The following PRPSAP2 variants were observed in gnomAD, a reference collection of about 807,000 sequenced individuals.
The protein encoded by PRPSAP2 is phosphoribosyl pyrophosphate synthetase associated protein 2.
Under a neutral mutation model 40.6 loss-of-function variants are expected in PRPSAP2, and 24 were observed. That is an observed-to-expected ratio of 0.59 (90% CI 0.43 to 0.83). PRPSAP2 has a LOEUF of 0.83. PRPSAP2 is among the 40% of genes least tolerant of loss of function. PRPSAP2 has a pLI of 0.00. For synonymous variants in PRPSAP2, 149 were observed against 164.7 expected, an observed-to-expected ratio of 0.90 and a Z score of 0.73; for missense variants, 292 against 465.6, an observed-to-expected ratio of 0.63 and a Z score of 3.43.
intron 9 of PRPSAP2, among the ~76,000 whole-genome samples, chr17:18,915,929 C>T (rs1362774156): frequency 1.3e-5 from 2 of 151,800 alleles, no homozygotes; most frequent in African/African-American, 4.8e-5. Context: ...AAGCAGTTCT[C>T]CTGCCTCAGC....
At chr17:18,908,610 T>C in intron 8 of PRPSAP2, 1 of 723,972 alleles carries the variant, frequency 1.4e-6, no homozygotes, top group Non-Finnish European at 2.6e-6. Flanking sequence ...CCAACATGGG[T>C]AGTGACCATG....
chr17:18,909,383 A>C (rs1349109894), intron 8 of PRPSAP2, among the ~76,000 whole-genome samples: 1 of 151,846 alleles, frequency 6.6e-6, no homozygotes, highest in Non-Finnish European at 1.5e-5. Context: ...CTGGGATTAC[A>C]GGTGCCTGCC....
chr17:18,875,785 C>G (rs553652914), intron 5 of PRPSAP2, among the ~76,000 whole-genome samples: 1 of 147,682 alleles, frequency 6.8e-6, no homozygotes, highest in Admixed American at 6.9e-5. Flanking sequence ...ACCCAGGAGA[C>G]AGAGGGTGCA....
At chr17:18,872,554 C>T (rs80097258) in intron 4 of PRPSAP2, 29 bp from the exon 5 acceptor site, 106,896 of 1,515,686 alleles carry the variant, frequency 0.071, 4,038 homozygotes, top group Admixed American at 0.11. Context: ...ATATGCCTTT[C>T]CCTCTCTTCT....
intron 8 of PRPSAP2, chr17:18,908,408 C>T: frequency 1.3e-6 from 1 of 761,362 alleles, no homozygotes; most frequent in South Asian, 1.4e-5. Flanking sequence ...AGATGAAGAA[C>T]TTTTAAAAAT....
At chr17:18,856,532 C>G (rs974626854), upstream of PRPSAP2, 3 of 152,174 alleles carry the variant, frequency 2.0e-5, no homozygotes, top group African/African-American at 4.8e-5. Context: ...CTCCATTTCA[C>G]GAAGTCTCAC....
chr17:18,908,465 T>C (rs967669221), intron 8 of PRPSAP2: 4 of 759,848 alleles, frequency 5.3e-6, no homozygotes, highest in Admixed American at 3.6e-5. Flanking sequence ...TCTCCCAGAA[T>C]GGAAGGAGTG....
rs929338886 is a variant in PRPSAP2 at position 18,860,407 on chromosome 17, A to G, written c.-129+2146A>G. Reference sequence around the variant, plus strand: ...AGTTCATCTTTCAATTTCATTTGTTAATCATTGTGACTCATTGAAGTCAGG... The same window carrying G: ...AGTTCATCTTTCAATTTCATTTGTTGATCATTGTGACTCATTGAAGTCAGG... On this transcript the variant is annotated intron_variant, in intron 1 of 11. Transcript: ENST00000268835. 2.0e-5 allele frequency: 3 copies of G among 152,176 alleles called. No individual in the cohort carries two copies. In the East Asian group the frequency reaches 5.8e-4, roughly 29 times the overall value. 9.4% of individuals were successfully genotyped at this position (152,176 alleles called of 1,614,324 possible).
rs114401304 is a variant in PRPSAP2, at chr17:18,878,369, C to T, written c.412+499C>T. ...AGTAGTTGGAACTATGGACATATAC[C>T]ACCGTGCCTGCCTAGATAGGCATAT... On this transcript the variant is annotated intron_variant, in intron 6 of 11. Coordinates refer to ENST00000268835, the MANE Select transcript of PRPSAP2 (RefSeq NM_002767.4). Among the ~76,000 whole-genome samples the T allele has an allele frequency of 2.0e-3, 303 of 151,926 alleles. 1 individual carries two copies. Among genetic ancestry groups the T allele is most frequent in the African/African-American group, 6.8e-3 (282 of 41,242 alleles).
chr17:18,870,665 C>T (rs1001678617), intron 4 of PRPSAP2, among the ~76,000 whole-genome samples: 4 of 151,852 alleles, frequency 2.6e-5, no homozygotes, highest in African/African-American at 7.3e-5. Flanking sequence ...AGAAATTAGC[C>T]AGGGTTGGTG....
chr17:18,930,664 C>T lies in PRPSAP2; in HGVS notation c.1076C>T (p.Ser359Phe). 6.2e-7 allele frequency: 1 copy of T among 1,613,518 alleles called. No homozygotes were observed. Among genetic ancestry groups the T allele is most frequent in the East Asian group, 2.2e-5 (1 of 44,880 alleles). ...IRRIHNGESM[S>F]YLFRNIGLDD ...CGGATCCACAATGGGGAGTCCATGT[C>T]CTACCTTTTCAGAAACATAGGCTTA... The change falls in exon 12 of 12, where the codon TCC becomes TTC. Residue 359 changes from serine (S) to phenylalanine (F), a missense_variant. Ser to Phe is a radical substitution (Grantham distance 155). Around this residue, in one of 2 missense-constraint regions of PRPSAP2, gnomAD observed 241 missense variants for 425.7 expected, o/e 0.57. Transcript: ENST00000268835.
chr17:18,893,759 C>T (rs568254562), intron 8 of PRPSAP2, among the ~76,000 whole-genome samples: 1 of 152,236 alleles, frequency 6.6e-6, no homozygotes, highest in Non-Finnish European at 1.5e-5. Context: ...CGGGGTTTCG[C>T]CATGTTGGCC....
chr17:18,857,593 G>T (rs112656776), upstream of PRPSAP2, among the ~76,000 whole-genome samples: 76,892 of 145,066 alleles, frequency 0.53, 20,431 homozygotes, highest in Middle Eastern at 0.59. Flanking sequence ...TTTTTTTTTT[G>T]TATTTTTAGT....
chr17:18,911,592 ATGT>A lies in PRPSAP2; in HGVS notation c.733+346_733+348del, dbSNP rs34675595. 0.35 allele frequency among the ~76,000 whole-genome samples: 52,768 copies of A among 151,860 alleles called. 9,334 individuals are homozygous for A. The highest frequency in any genetic ancestry group is 0.48 in the South Asian group (2,318 of 4,810). On this transcript the variant is annotated intron_variant, in intron 9 of 11. Coordinates refer to ENST00000268835, the MANE Select transcript of PRPSAP2 (RefSeq NM_002767.4). This position sits in a 1 kb window ranked among gnomAD's most constrained non-coding sequence, Gnocchi z 4.5. ...TTTATATACAAAGTTATTGACTGTG[ATGT>A]TGTTTTTAATGCAAAATATTAGAAA... is the stretch of plus-strand genomic sequence containing the variant.
At chr17:18,882,817 T>C in intron 7 of PRPSAP2, 134 bp downstream of exon 7, 1 of 613,994 alleles carries the variant, frequency 1.6e-6, no homozygotes, top group Non-Finnish European at 2.9e-6. Context: ...TTTATAGCTA[T>C]AATCCAACGC....
At position 18,889,919 on chromosome 17, in the gene PRPSAP2, A is replaced by G. The variant is rs374640775; in HGVS notation, c.584+42A>G. ...CAACCTCTTTCTGGATCTACTTCTA[A>G]GGATTGTATCCGTGATGAGTTCCAG... On this transcript the variant is annotated intron_variant, in intron 8 of 11. Coordinates refer to ENST00000268835, the MANE Select transcript of PRPSAP2 (RefSeq NM_002767.4). 14 of 1,568,934 alleles carry G rather than the reference A, an allele frequency of 8.9e-6. No individual in the cohort carries two copies. In the African/African-American group the frequency reaches 1.8e-4, roughly 20 times the overall value.
chr17:18,917,503 A>G (rs1256266635), intron 9 of PRPSAP2: 1 of 143,374 alleles, frequency 7.0e-6, no homozygotes, highest in Non-Finnish European at 1.5e-5. Flanking sequence ...TCTCCTGGGT[A>G]GCTGGGACTA....
At chr17:18,882,510 T>TTA in intron 6 of PRPSAP2, 58 bp from the exon 7 acceptor site, 1 of 956,950 alleles carries the variant, frequency 1.0e-6, no homozygotes, top group Non-Finnish European at 1.5e-6. Flanking sequence ...GATCCCATCT[T>TTA]AAAAAAAAAA....
chr17:18,887,022 C>T (rs535138887), intron 7 of PRPSAP2, among the ~76,000 whole-genome samples: 1 of 147,090 alleles, frequency 6.8e-6, no homozygotes, highest in Non-Finnish European at 1.5e-5. Context: ...TCACAACCTC[C>T]GCCTCCCAGG....
Sources: allele counts gnomAD v4.1 joint callset (sites outside exome capture counted in the v4.1 genomes callset), GRCh38; gene constraint gnomAD v4.1.1; regional missense constraint gnomAD v4.1.1; non-coding constraint Gnocchi (gnomAD v3.1); transcripts MANE v1.5; gene names NCBI Gene and HGNC (gene_info 2026-07-23, HGNC 2026-07-21).